LRP1B: variants seen among roughly 807,000 people sequenced by gnomAD.
The protein encoded by LRP1B is LDL receptor related protein 1B.
Under a neutral mutation model 556.6 loss-of-function variants are expected in LRP1B, and 217 were observed. That is an observed-to-expected ratio of 0.39 (90% CI 0.35 to 0.44). The LOEUF is 0.44. Among genes scored for constraint, LRP1B ranks in the 20% least tolerant of loss-of-function variants. LRP1B has a pLI of 1.00. For synonymous variants in LRP1B, 2,047 were observed against 1,865.8 expected, an observed-to-expected ratio of 1.10 and a Z score of -2.50; for missense variants, 5,053 against 5,620.8, an observed-to-expected ratio of 0.90 and a Z score of 3.23.
intron 2 of LRP1B, among the ~76,000 whole-genome samples, chr2:141,619,976 C>T (rs72978039): frequency 0.015 from 2,244 of 152,250 alleles, 54 homozygotes; most frequent in African/African-American, 0.05. Flanking sequence ...TTTTTAGAGA[C>T]AAGGTCTCAC....
chr2:140,683,645 G>A (rs1685941944), intron 41 of LRP1B: 2 of 693,022 alleles, frequency 2.9e-6, no homozygotes, highest in Admixed American at 1.8e-5. Flanking sequence ...TATTCCATCC[G>A]AGTCCTCCGC....
At chr2:141,304,205 T>C (rs889020852) in intron 3 of LRP1B, among the ~76,000 whole-genome samples, 4 of 152,154 alleles carry the variant, frequency 2.6e-5, no homozygotes, top group Admixed American at 6.5e-5. Flanking sequence ...TTTCTCCCAT[T>C]GAACAGACTG....
At chr2:141,251,710 G>A (rs982345760) in intron 4 of LRP1B, among the ~76,000 whole-genome samples, 1 of 152,058 alleles carries the variant, frequency 6.6e-6, no homozygotes, top group African/African-American at 2.4e-5. Flanking sequence ...AGCAAAACAA[G>A]CATGGGTGGA....
intron 21 of LRP1B, among the ~76,000 whole-genome samples, chr2:140,916,319 A>G (rs1694578681): frequency 6.6e-6 from 1 of 152,242 alleles, no homozygotes; most frequent in South Asian, 2.1e-4. Context: ...TTGGTTTTCC[A>G]CAATGATTAA....
At chr2:141,299,095 A>C (rs1299591749) in intron 3 of LRP1B, among the ~76,000 whole-genome samples, 1 of 152,130 alleles carries the variant, frequency 6.6e-6, no homozygotes, top group East Asian at 1.9e-4. Context: ...ACTTGCAGCT[A>C]GTGTCAGAAG....
intron 85 of LRP1B, among the ~76,000 whole-genome samples, chr2:140,273,339 G>A (rs372483585): frequency 1.7e-4 from 3 of 18,180 alleles, no homozygotes; most frequent in African/African-American, 2.2e-4. Flanking sequence ...TGATTTGGAC[G>A]CATGTTTCAC....
intron 51 of LRP1B, among the ~76,000 whole-genome samples, chr2:140,511,848 T>C (rs1306046221): frequency 1.3e-5 from 2 of 152,194 alleles, no homozygotes; most frequent in Admixed American, 6.5e-5. Flanking sequence ...ATGTCTTCAG[T>C]ACTTTCTATA....
chr2:141,584,696 A>AT (rs1319945977), intron 2 of LRP1B, among the ~76,000 whole-genome samples: 3 of 152,196 alleles, frequency 2.0e-5, no homozygotes, highest in Non-Finnish European at 4.4e-5. Context: ...GTCAAGTGAG[A>AT]TGATTTAGGT....
chr2:140,813,110 T>C (rs1168073980), intron 32 of LRP1B, among the ~76,000 whole-genome samples: 1 of 152,178 alleles, frequency 6.6e-6, no homozygotes, highest in Admixed American at 6.5e-5. Context: ...ATCATTTTAC[T>C]TACCTAGCAC....
rs559624251 is a variant in LRP1B, at chr2:141,073,528, G to T, written c.1014-11255C>A. On this transcript the variant is annotated intron_variant, in intron 7 of 90. Coordinates refer to ENST00000389484, the MANE Select transcript of LRP1B (RefSeq NM_018557.3). ...CATAGACAATCTTGAATGTTCCCAT[G>T]ACTTTCATTAATGTTACAATAACTC... Among the ~76,000 whole-genome samples the T allele has an allele frequency of 1.6e-4, 25 of 152,116 alleles. 1 individual carries two copies. The South Asian group carries it at 5.2e-3, about 32-fold the overall frequency.
At chr2:140,279,302 C>T (rs1410436861) in intron 84 of LRP1B, among the ~76,000 whole-genome samples, 1 of 151,930 alleles carries the variant, frequency 6.6e-6, no homozygotes, top group African/African-American at 2.4e-5. Flanking sequence ...TATCACGGTG[C>T]ATGCTATGTG....
intron 2 of LRP1B, among the ~76,000 whole-genome samples, chr2:141,600,663 T>C (rs1303204201): frequency 2.6e-5 from 4 of 152,156 alleles, no homozygotes; most frequent in African/African-American, 9.6e-5. Flanking sequence ...CAGCACCTAA[T>C]AGCAGGGTCT....
intron 7 of LRP1B, among the ~76,000 whole-genome samples, chr2:141,167,825 T>C (rs1210762066): frequency 1.3e-5 from 2 of 152,006 alleles, no homozygotes; most frequent in Non-Finnish European, 2.9e-5. Flanking sequence ...TTGATAGAAC[T>C]ATTATGAAGT....
chr2:141,211,303 TTA>T (rs1558935667), intron 6 of LRP1B, among the ~76,000 whole-genome samples: 1 of 137,924 alleles, frequency 7.3e-6, no homozygotes. Context: ...TTCTTTTTTT[TTA>T]AAAAAAAAAA....
chr2:140,353,167 A>C, intron 75 of LRP1B, 95 bp from the exon 76 acceptor site: 1 of 1,259,682 alleles, frequency 7.9e-7, no homozygotes, highest in Non-Finnish European at 1.1e-6. Context: ...TTTTTAACTT[A>C]TTACTAGCTT....
chr2:141,455,542 G>C (rs926858968), intron 3 of LRP1B, among the ~76,000 whole-genome samples: 10 of 151,350 alleles, frequency 6.6e-5, no homozygotes, highest in African/African-American at 2.4e-4. Flanking sequence ...AAGCCAGTAA[G>C]AAACTACAAA....
At chr2:141,484,394 C>T (rs55634139) in intron 2 of LRP1B, among the ~76,000 whole-genome samples, 37,696 of 147,254 alleles carry the variant, frequency 0.26, 6,036 homozygotes, top group East Asian at 0.59. Flanking sequence ...AGTCAGGTAG[C>T]ATGATGCCTC....
chr2:140,490,386 C>A (rs1389069842), intron 57 of LRP1B, among the ~76,000 whole-genome samples: 2 of 151,928 alleles, frequency 1.3e-5, no homozygotes, highest in Admixed American at 6.6e-5. Flanking sequence ...ATATAGAGGG[C>A]AAGAAAAAGC....
At chr2:140,401,931 A>T (rs1273580059) in intron 66 of LRP1B, among the ~76,000 whole-genome samples, 1 of 152,210 alleles carries the variant, frequency 6.6e-6, no homozygotes, top group Non-Finnish European at 1.5e-5. Flanking sequence ...AAGACAGCAC[A>T]CTATCTGTAA....
Sources: gnomAD v4.1 joint callset for allele counts (sites outside exome capture counted in the v4.1 genomes callset) on GRCh38, gnomAD v4.1.1 for gene constraint, MANE v1.5 for transcripts, NCBI Gene and HGNC (gene_info 2026-07-23, HGNC 2026-07-21) for gene names.